C10orf67: variants seen among roughly 807,000 people sequenced by gnomAD.
C10orf67 encodes uncharacterized protein C10orf67, mitochondrial.
Under a neutral mutation model 35.6 loss-of-function variants are expected in C10orf67, and 60 were observed. The observed-to-expected ratio is 1.68, with a 90% confidence interval of 1.37 to 2.09. The LOEUF is 2.09. Ranked by LOEUF, C10orf67 falls within the 30% of genes most tolerant of loss-of-function variation. C10orf67 has a pLI of 0.00. For synonymous variants in C10orf67, 167 were observed against 115.8 expected (o/e 1.44, Z -2.84); for missense variants, 474 against 330.2 (o/e 1.44, Z -3.38).
chr10:23,267,257 G>A lies in C10orf67; in HGVS notation c.976-3C>T. On this transcript the variant is annotated splice_polypyrimidine_tract_variant and splice_region_variant and intron_variant, in intron 8 of 15. Transcript: ENST00000636213. ...TTGTCCTCTTTCTGTTTATTAATCT[G>A]TAAAATTGAAGACCCATATCATTGG... 1.4e-6 allele frequency: 1 copy of A among 712,546 alleles called. No homozygotes were observed. 44.1% of individuals were successfully genotyped at this position (712,546 alleles called of 1,614,324 possible). A position where few individuals can be genotyped will look rare whatever the true frequency, so the allele number is the denominator to read the frequency against.
chr10:23,317,249 C>T (rs1021597495), intron 4 of C10orf67: 1 of 152,488 alleles, frequency 6.6e-6, no homozygotes, highest in Non-Finnish European at 1.5e-5. Flanking sequence ...AGCGCCTGGG[C>T]TTGGCCACAA....
At chr10:23,209,320 G>A (rs1841242890) in intron 15 of C10orf67, among the ~76,000 whole-genome samples, 1 of 152,036 alleles carries the variant, frequency 6.6e-6, no homozygotes, top group Admixed American at 6.5e-5. Context: ...AAGCAGGAGA[G>A]CCTGAGAAGG....
At chr10:23,310,530 C>G (rs762117228) in intron 4 of C10orf67, among the ~76,000 whole-genome samples, 23 of 152,186 alleles carry the variant, frequency 1.5e-4, no homozygotes, top group Non-Finnish European at 2.6e-4. Context: ...CTGCAATGCC[C>G]TTCACAAGAG....
chr10:23,244,302 C>G (rs1187902896), intron 12 of C10orf67, among the ~76,000 whole-genome samples: 2 of 152,098 alleles, frequency 1.3e-5, no homozygotes, highest in Non-Finnish European at 2.9e-5. Flanking sequence ...TGGGAGGCAG[C>G]TCAAACAATA....
chr10:23,307,645 C>T (rs1166931571), intron 4 of C10orf67, among the ~76,000 whole-genome samples: 2 of 146,084 alleles, frequency 1.4e-5, no homozygotes, highest in Non-Finnish European at 3.0e-5. Flanking sequence ...GTCTCACTCT[C>T]ACCCAGGCTG....
At chr10:23,236,625 C>G (rs1008666981) in intron 13 of C10orf67, among the ~76,000 whole-genome samples, 1 of 152,084 alleles carries the variant, frequency 6.6e-6, no homozygotes, top group Non-Finnish European at 1.5e-5. Context: ...CACCTGTAAT[C>G]CCAGCCTTTT....
At position 23,324,705 on chromosome 10, in the gene C10orf67, A is replaced by G. The variant is rs375269265; in HGVS notation, c.328-2168T>C. 2.7e-4 allele frequency among the ~76,000 whole-genome samples: 41 copies of G among 152,314 alleles called. No individual in the cohort carries two copies. In the South Asian group the frequency reaches 7.5e-3, roughly 28 times the overall value. ...GCCCTTCTCCCATAAGAACCATGGCAATAGTTCTTTCTAGAGTCTGCTTTG... is the reference window on the plus strand; with the variant it reads ...GCCCTTCTCCCATAAGAACCATGGCGATAGTTCTTTCTAGAGTCTGCTTTG... On this transcript the variant is annotated intron_variant, in intron 2 of 15. Coordinates refer to ENST00000636213, the MANE Select transcript of C10orf67 (RefSeq NM_001371909.1).
chr10:23,265,767 T>C (rs1389225800), intron 10 of C10orf67, among the ~76,000 whole-genome samples: 1 of 152,156 alleles, frequency 6.6e-6, no homozygotes, highest in Non-Finnish European at 1.5e-5. Context: ...CCACCCTAGC[T>C]CCTGCAGAAA....
chr10:23,260,194 C>T (rs1842709947), intron 10 of C10orf67, among the ~76,000 whole-genome samples: 1 of 152,086 alleles, frequency 6.6e-6, no homozygotes, highest in Admixed American at 6.5e-5. Flanking sequence ...TTACAGCATA[C>T]TTCTTATCAG....
chr10:23,223,488 G>A (rs1841645211), intron 15 of C10orf67, 110 bp downstream of exon 15: 1 of 675,724 alleles, frequency 1.5e-6, no homozygotes, highest in East Asian at 2.7e-5. Flanking sequence ...AAAAAGTCAT[G>A]CATTCACCCA....
intron 15 of C10orf67, 146 bp downstream of exon 15, chr10:23,223,450 CTG>C (rs1841642180): frequency 1.6e-6 from 1 of 638,908 alleles, no homozygotes; most frequent in African/African-American, 1.8e-5. Flanking sequence ...TTCAGTTTAT[CTG>C]TGCAATAATT....
Position 23,306,302 on chromosome 10 carries a change from A to G in C10orf67, c.547-2843T>C, listed in dbSNP as rs577540053. 3.3e-5 allele frequency among the ~76,000 whole-genome samples: 5 copies of G among 152,148 alleles called. No individual in the cohort carries two copies. The South Asian group carries it at 1.0e-3, about 32-fold the overall frequency. On this transcript the variant is annotated intron_variant, in intron 4 of 15. Coordinates refer to ENST00000636213, the MANE Select transcript of C10orf67 (RefSeq NM_001371909.1). ...GCACTTTGGGAGCCCTAGGCGGGCA[A>G]ATCATCAGGTCAGGAGTTCGAGACT...
rs1291952971 is a variant in C10orf67, at chr10:23,203,581, T to C, written c.*592A>G. ...GGTGTCTGGCATTCCAGCAGAATCT[T>C]GGTTTGCATCCTTACCAGGAAGCAA... On this transcript the variant is annotated 3_prime_UTR_variant, in exon 16 of 16. Coordinates refer to ENST00000636213, the MANE Select transcript of C10orf67 (RefSeq NM_001371909.1). The C allele has an allele frequency of 6.6e-6, 1 of 152,224 alleles. No homozygotes were observed. Among genetic ancestry groups the C allele is most frequent in the Non-Finnish European group, 1.5e-5 (1 of 68,032 alleles). 9.4% of individuals were successfully genotyped at this position (152,224 alleles called of 1,614,324 possible).
chr10:23,240,674 T>C (rs1588607047), intron 12 of C10orf67, among the ~76,000 whole-genome samples: 3 of 151,910 alleles, frequency 2.0e-5, no homozygotes, highest in African/African-American at 7.3e-5. Context: ...GCCTTCAGAG[T>C]GTAGGAAGAA....
chr10:23,234,058 C>T (rs889885554), intron 13 of C10orf67, among the ~76,000 whole-genome samples: 25 of 152,134 alleles, frequency 1.6e-4, no homozygotes, highest in African/African-American at 2.4e-5. Flanking sequence ...TAAAAGAACA[C>T]TTACACATGG....
chr10:23,324,526 A>G (rs1845106200), intron 2 of C10orf67, among the ~76,000 whole-genome samples: 1 of 152,148 alleles, frequency 6.6e-6, no homozygotes, highest in African/African-American at 2.4e-5. Context: ...ACTGATCCCA[A>G]TCAAGCCATT....
At chr10:23,328,742 G>A (rs1403608113) in intron 2 of C10orf67, among the ~76,000 whole-genome samples, 2 of 149,774 alleles carry the variant, frequency 1.3e-5, no homozygotes, top group East Asian at 4.0e-4. Flanking sequence ...CTAACATTTT[G>A]AGAGGCTGAG....
intron 15 of C10orf67, among the ~76,000 whole-genome samples, chr10:23,213,720 G>A (rs920072363): frequency 1.3e-5 from 2 of 152,124 alleles, no homozygotes; most frequent in African/African-American, 2.4e-5. Flanking sequence ...ACAGCTTTCA[G>A]CTTTCAAATC....
intron 13 of C10orf67, 75 bp from the exon 14 acceptor site, chr10:23,223,893 C>G: frequency 1.4e-6 from 1 of 698,006 alleles, no homozygotes. Context: ...TTAATGTTCT[C>G]CAGCCTTTAG....
Sources: gnomAD v4.1 joint callset for allele counts (sites outside exome capture counted in the v4.1 genomes callset) on GRCh38, gnomAD v4.1.1 for gene constraint, MANE v1.5 for transcripts, NCBI Gene and HGNC (gene_info 2026-07-23, HGNC 2026-07-21) for gene names.